Variants in ZCCHC7 observed in about 807,000 individuals in gnomAD.
The protein encoded by ZCCHC7 is zinc finger CCHC-type containing 7.
Under a neutral mutation model 52.0 loss-of-function variants are expected in ZCCHC7, and 35 were observed. The observed-to-expected ratio is 0.67, with a 90% CI of 0.51 to 0.89. ZCCHC7 has a LOEUF of 0.89. Ranked by LOEUF, ZCCHC7 falls within the 40% of genes least tolerant of loss-of-function variation. The pLI, the probability that ZCCHC7 is intolerant of heterozygous loss-of-function variation, is 0.00. For synonymous variants in ZCCHC7, 217 were observed against 221.5 expected, an observed-to-expected ratio of 0.98 and a Z score of 0.18; for missense variants, 574 against 649.1, an observed-to-expected ratio of 0.88 and a Z score of 1.26.
At chr9:37,324,003 G>A (rs1830147805) in intron 5 of ZCCHC7, among the ~76,000 whole-genome samples, 1 of 152,140 alleles carries the variant, frequency 6.6e-6, no homozygotes, top group African/African-American at 2.4e-5. Flanking sequence ...AGTTAAGATG[G>A]TGGTTGAGTC....
chr9:37,349,349 T>C lies in ZCCHC7; in HGVS notation c.988-8T>C, dbSNP rs1432267912. The stretch of plus-strand genomic sequence containing the variant: ...ATCAACAAACCCTCACAAATATTCA[T>C]GTTGCAGACCAAACCTGGACCACCC... On this transcript the variant is annotated splice_region_variant and splice_polypyrimidine_tract_variant and intron_variant, in intron 6 of 8. Transcript: ENST00000336755. The C allele has an allele frequency of 6.2e-7, 1 of 1,613,326 alleles. No individual in the cohort carries two copies. The highest frequency in any genetic ancestry group is 1.3e-5 in the African/African-American group (1 of 74,894).
intron 1 of ZCCHC7, among the ~76,000 whole-genome samples, chr9:37,121,900 A>T (rs1842331357): frequency 6.6e-6 from 1 of 152,230 alleles, no homozygotes; most frequent in East Asian, 1.9e-4. Context: ...GATTTGATTC[A>T]GAGTGGCCAT....
At chr9:37,238,183 A>G (rs984165435) in intron 2 of ZCCHC7, among the ~76,000 whole-genome samples, 3 of 152,166 alleles carry the variant, frequency 2.0e-5, no homozygotes, top group Non-Finnish European at 2.9e-5. Flanking sequence ...TGCCCTGACA[A>G]GTCAGTACTG....
intron 6 of ZCCHC7, among the ~76,000 whole-genome samples, chr9:37,340,778 A>C (rs1028498857): frequency 2.0e-5 from 3 of 152,202 alleles, no homozygotes; most frequent in African/African-American, 7.2e-5. Context: ...AGTGTATTCT[A>C]ATACAGAAAT....
intron 6 of ZCCHC7, 118 bp downstream of exon 6, chr9:37,327,952 A>C: frequency 2.7e-6 from 3 of 1,110,298 alleles, no homozygotes; most frequent in Non-Finnish European, 4.0e-6. Context: ...ACATCTGAAG[A>C]GTTTTTGTAC....
chr9:37,223,325 A>G (rs1484810445), intron 2 of ZCCHC7, among the ~76,000 whole-genome samples: 1 of 152,204 alleles, frequency 6.6e-6, no homozygotes, highest in Non-Finnish European at 1.5e-5. Context: ...ATGTAATGAA[A>G]ATCTAATACA....
chr9:37,166,094 C>T (rs1257884119), intron 2 of ZCCHC7, among the ~76,000 whole-genome samples: 5 of 152,100 alleles, frequency 3.3e-5, no homozygotes, highest in Non-Finnish European at 2.9e-5. Context: ...ATAATATTCC[C>T]TCAGTTATGT....
chr9:37,297,111 T>C (rs561857168), intron 2 of ZCCHC7, among the ~76,000 whole-genome samples: 1 of 152,328 alleles, frequency 6.6e-6, no homozygotes, highest in African/African-American at 2.4e-5. Flanking sequence ...TAATTTGTTA[T>C]AGGCAGAATT....
chr9:37,158,252 C>G (rs763044220), intron 2 of ZCCHC7, among the ~76,000 whole-genome samples: 2 of 152,176 alleles, frequency 1.3e-5, no homozygotes, highest in Non-Finnish European at 2.9e-5. Flanking sequence ...ATTAAAATGC[C>G]TCAAGGAATG....
chr9:37,171,594 GT>G (rs1351388766), intron 2 of ZCCHC7, among the ~76,000 whole-genome samples: 4 of 151,630 alleles, frequency 2.6e-5, no homozygotes, highest in Non-Finnish European at 4.4e-5. Flanking sequence ...ATTTTAAAAA[GT>G]TTTTTTTAGA....
intron 6 of ZCCHC7, among the ~76,000 whole-genome samples, chr9:37,331,585 C>CA (rs1470515885): frequency 1.3e-5 from 2 of 151,564 alleles, no homozygotes; most frequent in Non-Finnish European, 3.0e-5. Flanking sequence ...TATAGCTATG[C>CA]AAAAGCCTTT....
chr9:37,331,292 C>T (rs892746872), intron 6 of ZCCHC7, among the ~76,000 whole-genome samples: 8 of 151,464 alleles, frequency 5.3e-5, no homozygotes, highest in Non-Finnish European at 7.4e-5. Context: ...AGGCTTATGG[C>T]CACAGTTTGT....
intron 2 of ZCCHC7, among the ~76,000 whole-genome samples, chr9:37,170,275 T>C (rs974294687): frequency 6.6e-5 from 10 of 152,212 alleles, no homozygotes; most frequent in Non-Finnish European, 1.5e-4. Flanking sequence ...CATAGACATA[T>C]TGTAGTTCTC....
At chr9:37,171,071 A>G (rs560684314) in intron 2 of ZCCHC7, among the ~76,000 whole-genome samples, 29 of 152,244 alleles carry the variant, frequency 1.9e-4, no homozygotes, top group Non-Finnish European at 2.8e-4. Context: ...TATGGTTGAC[A>G]GTAGGTTTAT....
intron 2 of ZCCHC7, among the ~76,000 whole-genome samples, chr9:37,250,236 G>T (rs1826262878): frequency 6.6e-6 from 1 of 151,246 alleles, no homozygotes; most frequent in African/African-American, 2.4e-5. Flanking sequence ...TTTGTCCAGG[G>T]TTTCCCTAGT....
intron 2 of ZCCHC7, among the ~76,000 whole-genome samples, chr9:37,128,069 C>T (rs367885926): frequency 1.2e-4 from 18 of 152,050 alleles, no homozygotes; most frequent in Admixed American, 6.5e-4. Context: ...AACAGAATCG[C>T]GTAAAGTTTT....
intron 6 of ZCCHC7, among the ~76,000 whole-genome samples, chr9:37,342,780 C>T (rs1588697976): frequency 1.3e-5 from 2 of 152,134 alleles, no homozygotes; most frequent in Admixed American, 6.6e-5. Context: ...TTATTATTCC[C>T]GTTTTACAGA....
At chr9:37,229,967 A>G (rs758859943) in intron 2 of ZCCHC7, among the ~76,000 whole-genome samples, 3 of 152,182 alleles carry the variant, frequency 2.0e-5, no homozygotes, top group Non-Finnish European at 2.9e-5. Flanking sequence ...TTAAAACCTC[A>G]TACACAGAAG....
intron 2 of ZCCHC7, among the ~76,000 whole-genome samples, chr9:37,213,496 C>G (rs901419325): frequency 6.6e-6 from 1 of 152,086 alleles, no homozygotes; most frequent in Non-Finnish European, 1.5e-5. Flanking sequence ...TACAGGGATC[C>G]TAATACTGTC....
Sources: gnomAD v4.1 joint callset for allele counts (sites outside exome capture counted in the v4.1 genomes callset) on GRCh38, gnomAD v4.1.1 for gene constraint, MANE v1.5 for transcripts, NCBI Gene and HGNC (gene_info 2026-07-23, HGNC 2026-07-21) for gene names.